The following SPAG16 variants were observed in gnomAD, a reference collection of about 807,000 sequenced individuals.
The protein encoded by SPAG16 is sperm-associated antigen 16 protein.
A neutral mutation model predicts 80.4 loss-of-function variants in SPAG16; 86 were observed. The observed-to-expected ratio is 1.07, with a 90% CI of 0.90 to 1.28. SPAG16 has a LOEUF of 1.28. SPAG16 is among the 50% of genes most tolerant of loss of function. The probability of loss-of-function intolerance (pLI) is 0.00; values close to 1 mark genes in which losing one functional copy is unlikely to be tolerated. For missense variants in SPAG16, 870 were observed against 765.3 expected, an observed-to-expected ratio of 1.14 and a Z score of -1.61; for synonymous variants, 294 against 265.9, an observed-to-expected ratio of 1.11 and a Z score of -1.03.
chr2:213,692,584 G>A (rs573159062), intron 10 of SPAG16, among the ~76,000 whole-genome samples: 1 of 152,182 alleles, frequency 6.6e-6, no homozygotes, highest in South Asian at 2.1e-4. Context: ...GCTGAGGTGG[G>A]CAGATCACAA....
intron 15 of SPAG16, among the ~76,000 whole-genome samples, chr2:214,202,477 G>C (rs2058036821): frequency 6.6e-6 from 1 of 152,134 alleles, no homozygotes; most frequent in South Asian, 2.1e-4. Flanking sequence ...TTAATACTAG[G>C]AAAGGCCTTG....
chr2:214,035,264 ACTCGCGTCC>A (rs1313426465), intron 13 of SPAG16, among the ~76,000 whole-genome samples: 2 of 151,846 alleles, frequency 1.3e-5, no homozygotes, highest in African/African-American at 4.8e-5. Flanking sequence ...ACAAGTTCCC[ACTCGCGTCC>A]ATGGGCCCAG....
intron 5 of SPAG16, among the ~76,000 whole-genome samples, chr2:213,339,727 A>G (rs2064571502): frequency 6.7e-6 from 1 of 149,486 alleles, no homozygotes. Flanking sequence ...AGAACTGAAT[A>G]ATCTAGTATA....
chr2:213,833,812 A>G (rs2556323), intron 10 of SPAG16, among the ~76,000 whole-genome samples: 43,919 of 149,426 alleles, frequency 0.29, 6,638 homozygotes, highest in Middle Eastern at 0.39. Flanking sequence ...GTCTCTTCAT[A>G]GTAATTCAGA....
At chr2:213,730,017 A>G (rs2066956524) in intron 10 of SPAG16, among the ~76,000 whole-genome samples, 2 of 152,214 alleles carry the variant, frequency 1.3e-5, no homozygotes, top group African/African-American at 4.8e-5. Context: ...AGGACCAGTG[A>G]TTTGATTTTC....
intron 9 of SPAG16, among the ~76,000 whole-genome samples, chr2:213,430,770 A>G (rs1278117142): frequency 2.0e-5 from 3 of 152,226 alleles, no homozygotes; most frequent in African/African-American, 4.8e-5. Flanking sequence ...TCCAAACTAC[A>G]TATACTCATT....
intron 15 of SPAG16, among the ~76,000 whole-genome samples, chr2:214,165,945 A>T (rs907884035): frequency 6.6e-6 from 1 of 152,146 alleles, no homozygotes; most frequent in Non-Finnish European, 1.5e-5. Context: ...TAATTATAAA[A>T]TAATTCAAAA....
chr2:213,772,684 C>A (rs896441059), intron 10 of SPAG16, among the ~76,000 whole-genome samples: 1 of 152,040 alleles, frequency 6.6e-6, no homozygotes, highest in African/African-American at 2.4e-5. Flanking sequence ...GATTAATTCT[C>A]CTAAATTTGT....
At chr2:214,249,978 T>C (rs1690131520) in intron 15 of SPAG16, 1 of 152,212 alleles carries the variant, frequency 6.6e-6, no homozygotes, top group Non-Finnish European at 1.5e-5. Flanking sequence ...TTTCTTCCAA[T>C]GATGACTCAA....
At chr2:214,012,583 C>T (rs1274966236) in intron 12 of SPAG16, among the ~76,000 whole-genome samples, 1 of 151,968 alleles carries the variant, frequency 6.6e-6, no homozygotes. Flanking sequence ...ACTTGAGCCA[C>T]AATGCCTGGG....
intron 12 of SPAG16, among the ~76,000 whole-genome samples, chr2:213,965,761 C>T (rs1250542400): frequency 6.6e-6 from 1 of 152,184 alleles, no homozygotes; most frequent in African/African-American, 2.4e-5. Context: ...AGTCAGCCTC[C>T]TTGGGGACAG....
intron 13 of SPAG16, among the ~76,000 whole-genome samples, chr2:214,075,681 C>G (rs1240885653): frequency 6.6e-6 from 1 of 152,128 alleles, no homozygotes; most frequent in Non-Finnish European, 1.5e-5. Flanking sequence ...GGCGAAATTC[C>G]ACAGCAGCCC....
At chr2:213,479,717 A>G (rs1303088036) in intron 9 of SPAG16, among the ~76,000 whole-genome samples, 1 of 152,112 alleles carries the variant, frequency 6.6e-6, no homozygotes, top group Non-Finnish European at 1.5e-5. Context: ...CATCACCACC[A>G]CACTTGTCTT....
intron 15 of SPAG16, among the ~76,000 whole-genome samples, chr2:214,396,487 T>C (rs1053282213): frequency 3.9e-5 from 6 of 152,150 alleles, no homozygotes; most frequent in African/African-American, 1.4e-4. Context: ...TTTAATGTTT[T>C]ATTGTTTTTA....
chr2:213,650,358 C>T (rs1441801510), intron 10 of SPAG16, among the ~76,000 whole-genome samples: 2 of 152,152 alleles, frequency 1.3e-5, no homozygotes, highest in African/African-American at 4.8e-5. Context: ...ACATATCTCT[C>T]CTGCCTTATA....
intron 10 of SPAG16, among the ~76,000 whole-genome samples, chr2:213,705,919 G>T (rs1302579060): frequency 2.6e-5 from 4 of 152,022 alleles, no homozygotes; most frequent in Admixed American, 2.6e-4. Context: ...AATTCCATAC[G>T]CTTTGGTAGT....
intron 10 of SPAG16, among the ~76,000 whole-genome samples, chr2:213,545,792 GT>G (rs1559240518): frequency 6.6e-6 from 1 of 152,032 alleles, no homozygotes. Flanking sequence ...CTTGGGAGGG[GT>G]TTGTGTGATG....
intron 15 of SPAG16, among the ~76,000 whole-genome samples, chr2:214,253,375 G>T (rs1690444909): frequency 6.6e-6 from 1 of 152,272 alleles, no homozygotes; most frequent in African/African-American, 2.4e-5. Flanking sequence ...TGAAGTGTTT[G>T]CCCATGCCTA....
At chr2:213,536,731 C>T (rs1369552159) in intron 10 of SPAG16, among the ~76,000 whole-genome samples, 2 of 151,768 alleles carry the variant, frequency 1.3e-5, no homozygotes, top group South Asian at 4.2e-4. Context: ...GGATATTAGC[C>T]CTTTGTCAGA....
Sources: gnomAD v4.1 joint callset for allele counts (sites outside exome capture counted in the v4.1 genomes callset) on GRCh38, gnomAD v4.1.1 for gene constraint, MANE v1.5 for transcripts, NCBI Gene and HGNC (gene_info 2026-07-23, HGNC 2026-07-21) for gene names.